SGCD: variants seen among roughly 807,000 people sequenced by gnomAD.
SGCD encodes delta-sarcoglycan.
A neutral mutation model predicts 36.6 loss-of-function variants in SGCD; 18 were observed. That is an observed-to-expected ratio of 0.49 (90% CI 0.34 to 0.73). The LOEUF (loss-of-function observed/expected upper bound fraction) is 0.73, where lower values mean the gene tolerates loss of function less well. Among genes scored for constraint, SGCD ranks in the 30% least tolerant of loss-of-function variants. The probability of loss-of-function intolerance (pLI) is 0.01; values close to 1 mark genes in which losing one functional copy is unlikely to be tolerated. For missense variants in SGCD, 387 were observed against 346.7 expected, an observed-to-expected ratio of 1.12 and a Z score of -0.92; for synonymous variants, 133 against 130.6, an observed-to-expected ratio of 1.02 and a Z score of -0.12.
At chr5:156,128,080 G>T (rs1301864836) in intron 3 of SGCD, among the ~76,000 whole-genome samples, 2 of 150,976 alleles carry the variant, frequency 1.3e-5, no homozygotes, top group Non-Finnish European at 2.9e-5. Context: ...GAAAATAGTT[G>T]TAATACCTAT....
Position 156,765,267 on chromosome 5 carries a change from C to T in SGCD, c.*5877C>T, listed in dbSNP as rs117879283. 3 of 152,146 alleles carry T rather than the reference C, an allele frequency of 2.0e-5. No individual in the cohort carries two copies. Among genetic ancestry groups the T allele is most frequent in the African/African-American group, 7.2e-5 (3 of 41,428 alleles). 9.4% of individuals were successfully genotyped at this position (152,146 alleles called of 1,614,324 possible). The stretch of plus-strand genomic sequence containing the variant: ...ATTTCATAAAACGAGAAACTCCAAA[C>T]TGGTCTATTAGGTTCCATGGGAACA... On this transcript the variant is annotated 3_prime_UTR_variant, in exon 9 of 9. Transcript: ENST00000337851.
chr5:156,261,834 T>C (rs764294714), intron 3 of SGCD, among the ~76,000 whole-genome samples: 5 of 152,134 alleles, frequency 3.3e-5, no homozygotes, highest in Non-Finnish European at 7.4e-5. Flanking sequence ...TGTGTGTGTT[T>C]TGTCTTAGTT....
At chr5:156,003,390 G>A (rs1234871983) in intron 1 of SGCD, among the ~76,000 whole-genome samples, 3 of 152,184 alleles carry the variant, frequency 2.0e-5, no homozygotes, top group African/African-American at 7.2e-5. Flanking sequence ...TGTGAACAAT[G>A]GTTTAGAGGT....
intron 1 of SGCD, among the ~76,000 whole-genome samples, chr5:155,972,139 C>A (rs1169503926): frequency 6.6e-6 from 1 of 152,068 alleles, no homozygotes; most frequent in East Asian, 1.9e-4. Context: ...GTCATTAAGT[C>A]TTTTAAGAAT....
the SGCD span, among the ~76,000 whole-genome samples, chr5:155,792,156 G>T: frequency 6.6e-6 from 1 of 152,050 alleles, no homozygotes; most frequent in Admixed American, 6.6e-5. Flanking sequence ...AGTGGGGAAA[G>T]GACTTCCTAT....
intron 4 of SGCD, among the ~76,000 whole-genome samples, chr5:156,539,015 C>T (rs1241745344): frequency 6.6e-6 from 1 of 151,990 alleles, no homozygotes; most frequent in East Asian, 1.9e-4. Flanking sequence ...ATATTTTGGG[C>T]ATTTTGGCAG....
intron 1 of SGCD, among the ~76,000 whole-genome samples, chr5:156,028,012 C>T (rs1214429430): frequency 6.6e-6 from 1 of 152,142 alleles, no homozygotes; most frequent in Non-Finnish European, 1.5e-5. Context: ...AGATGTGAAT[C>T]CCATTCCTAA....
At chr5:155,927,996 G>T (rs7714857) in intron 1 of SGCD, among the ~76,000 whole-genome samples, 2,238 of 152,222 alleles carry the variant, frequency 0.015, 48 homozygotes, top group African/African-American at 0.044. Context: ...GATAACAAAA[G>T]GCGTGCTCAT....
chr5:156,615,194 A>C (rs1761975104), intron 6 of SGCD, among the ~76,000 whole-genome samples: 1 of 152,242 alleles, frequency 6.6e-6, no homozygotes, highest in Admixed American at 6.5e-5. Context: ...CTTCAGTGAC[A>C]ACACCAGGGA....
intron 3 of SGCD, among the ~76,000 whole-genome samples, chr5:156,429,614 T>G (rs1160304091): frequency 3.3e-5 from 5 of 151,358 alleles, no homozygotes; most frequent in Non-Finnish European, 7.4e-5. Flanking sequence ...TTAGAGACCA[T>G]GTGAGATGTA....
the SGCD span, among the ~76,000 whole-genome samples, chr5:155,830,712 G>A: frequency 6.6e-6 from 1 of 152,090 alleles, no homozygotes; most frequent in Non-Finnish European, 1.5e-5. Flanking sequence ...TTAATAAATT[G>A]TCACTATTTG....
the SGCD span, among the ~76,000 whole-genome samples, chr5:155,765,386 A>AGAAGGAGGG: frequency 8.1e-6 from 1 of 123,410 alleles, no homozygotes; most frequent in Non-Finnish European, 1.6e-5. Context: ...AAGGAAAAAG[A>AGAAGGAGGG]GAAGGAGGGG....
At chr5:156,364,965 G>A (rs747286039) in intron 3 of SGCD, among the ~76,000 whole-genome samples, 10 of 152,150 alleles carry the variant, frequency 6.6e-5, no homozygotes, top group Admixed American at 1.3e-4. Context: ...TTGGTAAAAC[G>A]GAGAGTTGCA....
intron 3 of SGCD, among the ~76,000 whole-genome samples, chr5:156,309,269 C>T (rs2127689320): frequency 6.6e-6 from 1 of 152,232 alleles, no homozygotes; most frequent in African/African-American, 2.4e-5. Context: ...GAAAATGATG[C>T]ATATATTTAT....
intron 3 of SGCD, among the ~76,000 whole-genome samples, chr5:156,496,801 G>T (rs916039729): frequency 6.6e-6 from 1 of 152,092 alleles, no homozygotes; most frequent in African/African-American, 2.4e-5. Context: ...GAGCAGCAAA[G>T]TGCTTAAAAT....
At chr5:156,573,175 C>G (rs2113297573) in intron 4 of SGCD, among the ~76,000 whole-genome samples, 1 of 152,280 alleles carries the variant, frequency 6.6e-6, no homozygotes, top group South Asian at 2.1e-4. Context: ...GAAGCACATA[C>G]TGTACTTCTT....
chr5:155,747,490 A>G, the SGCD span, among the ~76,000 whole-genome samples: 1 of 152,172 alleles, frequency 6.6e-6, no homozygotes. Flanking sequence ...TAGCTGCAGA[A>G]CTATCAGTCT....
the SGCD span, among the ~76,000 whole-genome samples, chr5:155,856,492 A>G: frequency 6.6e-6 from 1 of 152,232 alleles, no homozygotes; most frequent in Admixed American, 6.5e-5. Context: ...CTGCCTATTG[A>G]AAACCATTTT....
chr5:156,077,491 T>G (rs966406227), intron 1 of SGCD, among the ~76,000 whole-genome samples: 3 of 152,122 alleles, frequency 2.0e-5, no homozygotes, highest in Non-Finnish European at 2.9e-5. Flanking sequence ...CTATTAAAAC[T>G]CAGAGTCCAG....
Sources: gnomAD v4.1 joint callset for allele counts (sites outside exome capture counted in the v4.1 genomes callset) on GRCh38, gnomAD v4.1.1 for gene constraint, MANE v1.5 for transcripts, NCBI Gene and HGNC (gene_info 2026-07-23, HGNC 2026-07-21) for gene names.